DLC1: variants seen among roughly 807,000 people sequenced by gnomAD.
DLC1 encodes the protein rho GTPase-activating protein 7.
A neutral mutation model predicts 140.3 loss-of-function variants in DLC1; 54 were observed. The observed-to-expected ratio is 0.38, with a 90% CI of 0.31 to 0.48. DLC1 has a LOEUF of 0.48. Among genes scored for constraint, DLC1 ranks in the 20% least tolerant of loss-of-function variants. The pLI, the probability that DLC1 is intolerant of heterozygous loss-of-function variation, is 0.96. For missense variants in DLC1, 2,536 were observed against 1,907.0 expected, an observed-to-expected ratio of 1.33 and a Z score of -6.14; for synonymous variants, 986 against 728.1, an observed-to-expected ratio of 1.35 and a Z score of -5.70.
chr8:13,258,808 C>G (rs1231454072), intron 5 of DLC1, among the ~76,000 whole-genome samples: 1 of 152,204 alleles, frequency 6.6e-6, no homozygotes, highest in Middle Eastern at 3.4e-3. Flanking sequence ...GAGCTAGACT[C>G]TAGAATACTC....
At chr8:13,296,758 G>A (rs1170386466) in intron 5 of DLC1, among the ~76,000 whole-genome samples, 1 of 151,566 alleles carries the variant, frequency 6.6e-6, no homozygotes, top group African/African-American at 2.4e-5. Flanking sequence ...TAAAATTCAA[G>A]AACAGAAATA....
intron 5 of DLC1, among the ~76,000 whole-genome samples, chr8:13,217,880 T>G (rs1221934499): frequency 6.6e-6 from 1 of 151,886 alleles, no homozygotes; most frequent in East Asian, 1.9e-4. Flanking sequence ...AACTAAAAGT[T>G]GTTCTTTAAA....
intron 5 of DLC1, among the ~76,000 whole-genome samples, chr8:13,252,529 G>A (rs1030788836): frequency 6.6e-6 from 1 of 152,110 alleles, no homozygotes. Flanking sequence ...AATAAGGGAA[G>A]AAAAAATCTT....
chr8:13,499,843 G>A lies in DLC1; in HGVS notation c.229C>T (p.Pro77Ser), dbSNP rs1451783692. The change falls in exon 2 of 18, where the codon CCA becomes TCA. Residue 77 changes from proline to serine, a missense_variant. Physicochemically the swap from Pro to Ser is moderately conservative, Grantham distance 74 (BLOSUM62 -1). Transcript: ENST00000276297. ...GSELRDFPGR[P>S]MGHLSKDVDE... ...ACATCCTTTGAAAGATGACCCATTG[G>A]CCTCCCAGGAAAATCTCTCAGCTCT... The A allele has an allele frequency of 6.2e-7, 1 of 1,613,996 alleles. No individual in the cohort carries two copies. The highest frequency in any genetic ancestry group is 1.3e-5 in the African/African-American group (1 of 75,020).
chr8:13,457,032 T>C (rs1005791406), intron 2 of DLC1, among the ~76,000 whole-genome samples: 11 of 152,308 alleles, frequency 7.2e-5, no homozygotes, highest in Non-Finnish European at 1.2e-4. Flanking sequence ...CTGTATTACA[T>C]TGACAAATTG....
At chr8:13,398,405 G>C (rs534556440) in intron 3 of DLC1, among the ~76,000 whole-genome samples, 1 of 152,046 alleles carries the variant, frequency 6.6e-6, no homozygotes, top group Non-Finnish European at 1.5e-5. Flanking sequence ...GACTGCACTG[G>C]CACTGCTGGA....
At chr8:13,441,049 A>G (rs146721820) in intron 2 of DLC1, among the ~76,000 whole-genome samples, 64 of 152,308 alleles carry the variant, frequency 4.2e-4, no homozygotes, top group African/African-American at 1.3e-3. Context: ...TCAAATTTGT[A>G]ATATAACCTG....
At chr8:13,582,543 C>T (rs1196841739) in intron 1 of DLC1, among the ~76,000 whole-genome samples, 1 of 152,058 alleles carries the variant, frequency 6.6e-6, no homozygotes, top group East Asian at 1.9e-4. Context: ...ATATTTCTCC[C>T]ATGCCGGATG....
At chr8:13,445,065 C>T (rs1031004733) in intron 2 of DLC1, among the ~76,000 whole-genome samples, 1 of 151,518 alleles carries the variant, frequency 6.6e-6, no homozygotes, top group Non-Finnish European at 1.5e-5. Flanking sequence ...AGCAGAGAGA[C>T]ACAGCAGGGG....
chr8:13,566,475 G>T (rs1445845174), intron 1 of DLC1, among the ~76,000 whole-genome samples: 2 of 151,892 alleles, frequency 1.3e-5, no homozygotes, highest in Non-Finnish European at 2.9e-5. Flanking sequence ...GCTCTACAAG[G>T]AGGTGTCTCT....
At chr8:13,555,717 G>A (rs140715015) in intron 1 of DLC1, among the ~76,000 whole-genome samples, 342 of 151,644 alleles carry the variant, frequency 2.3e-3, no homozygotes, top group African/African-American at 8.0e-3. Context: ...GGCCAGGCTG[G>A]TCTCAAACTC....
At chr8:13,150,725 A>G (rs978916189) in intron 5 of DLC1, among the ~76,000 whole-genome samples, 3 of 152,216 alleles carry the variant, frequency 2.0e-5, no homozygotes, top group Non-Finnish European at 4.4e-5. Context: ...GTAACAGTTT[A>G]ATGTGCATGA....
chr8:13,272,507 C>G (rs1475266721), intron 5 of DLC1, among the ~76,000 whole-genome samples: 1 of 152,090 alleles, frequency 6.6e-6, no homozygotes, highest in Non-Finnish European at 1.5e-5. Context: ...TTTCTTTCAG[C>G]ACAACTTAAC....
intron 1 of DLC1, among the ~76,000 whole-genome samples, chr8:13,575,139 C>T (rs971265650): frequency 2.6e-5 from 4 of 152,096 alleles, no homozygotes; most frequent in Admixed American, 1.3e-4. Context: ...CAAATTACAG[C>T]GAAAATTGCA....
At chr8:13,545,173 A>G (rs1299526384) in intron 1 of DLC1, among the ~76,000 whole-genome samples, 1 of 151,936 alleles carries the variant, frequency 6.6e-6, no homozygotes, top group African/African-American at 2.4e-5. Context: ...TGAGTTCACA[A>G]AAGAACTAAC....
intron 10 of DLC1, chr8:13,095,937 T>G (rs1280934669): frequency 6.6e-6 from 1 of 152,322 alleles, no homozygotes; most frequent in East Asian, 1.9e-4. Flanking sequence ...TCTTTAGGTT[T>G]CTAAAGGAAG....
chr8:13,382,364 G>C (rs1048997392), intron 4 of DLC1, among the ~76,000 whole-genome samples: 1 of 150,970 alleles, frequency 6.6e-6, no homozygotes, highest in East Asian at 2.0e-4. Context: ...AAAATTAGCC[G>C]GGCGAGGTGG....
chr8:13,539,385 A>G (rs1248495779), intron 1 of DLC1, among the ~76,000 whole-genome samples: 1 of 152,070 alleles, frequency 6.6e-6, no homozygotes, highest in East Asian at 1.9e-4. Context: ...TATTTTTGGT[A>G]GAGACGGGGT....
intron 5 of DLC1, among the ~76,000 whole-genome samples, chr8:13,258,526 G>T (rs1188294): frequency 6.6e-6 from 1 of 152,048 alleles, no homozygotes; most frequent in Non-Finnish European, 1.5e-5. Flanking sequence ...ACTTTGGATT[G>T]GGGGGAATTA....
Sources: gnomAD v4.1 joint callset for allele counts (sites outside exome capture counted in the v4.1 genomes callset) on GRCh38, gnomAD v4.1.1 for gene constraint, MANE v1.5 for transcripts, NCBI Gene and HGNC (gene_info 2026-07-23, HGNC 2026-07-21) for gene names.